Variants in ARID3B observed in about 807,000 individuals in gnomAD.
The protein encoded by ARID3B is AT-rich interactive domain-containing protein 3B.
Under a neutral mutation model 51.9 loss-of-function variants are expected in ARID3B, and 10 were observed. The ratio of observed to expected loss-of-function variants is 0.19; its 90% CI spans 0.12 to 0.33. The LOEUF is 0.33. ARID3B is among the 10% of genes least tolerant of loss of function. The pLI is 1.00. For synonymous variants in ARID3B, 205 were observed against 279.5 expected (o/e 0.73, Z 2.66); for missense variants, 483 against 716.3 (o/e 0.67, Z 3.72).
In ARID3B at chr15:74,543,895, G is replaced by A; in HGVS notation, c.-42G>A. ...AGTGTGCCTGGTGGGCTGTGCCCAG[G>A]TTCAGAGTCATGCCACTCTGTGGGT... On this transcript the variant is annotated 5_prime_UTR_variant, in exon 2 of 9. Transcript: ENST00000346246. 3 of 1,576,574 alleles carry A rather than the reference G, an allele frequency of 1.9e-6. No homozygotes were observed. Among genetic ancestry groups the A allele is most frequent in the Non-Finnish European group, 2.6e-6 (3 of 1,161,242 alleles).
intron 2 of ARID3B, among the ~76,000 whole-genome samples, chr15:74,571,202 T>C (rs999907930): frequency 6.6e-6 from 1 of 152,212 alleles, no homozygotes; most frequent in Non-Finnish European, 1.5e-5. Flanking sequence ...CCCCAAAATA[T>C]AACTGCATAA....
intron 4 of ARID3B, among the ~76,000 whole-genome samples, chr15:74,576,760 GGAGT>G (rs1201572806): frequency 1.3e-5 from 2 of 152,194 alleles, no homozygotes; most frequent in African/African-American, 4.8e-5. Flanking sequence ...GAGTGCCAAA[GGAGT>G]GAGTGCTGGG....
chr15:74,588,234 T>TA (rs2061788435), intron 4 of ARID3B, among the ~76,000 whole-genome samples: 1 of 149,652 alleles, frequency 6.7e-6, no homozygotes, highest in Non-Finnish European at 1.5e-5. Flanking sequence ...ACCCTATCTT[T>TA]TAAAAAAAAA....
rs1211798917 is a variant in ARID3B, at chr15:74,591,856, C to T, written c.1420+42C>T. On this transcript the variant is annotated intron_variant, in intron 7 of 8. Coordinates refer to ENST00000346246, the MANE Select transcript of ARID3B (RefSeq NM_006465.4). This position sits in a 1 kb window ranked among gnomAD's most constrained non-coding sequence, Gnocchi z 5.8. ...GCCGGGCCTTCCCTTCCTGGAAACC[C>T]CAAGCCCATTCACGCCTCCTGGGAC... 4 of 1,594,550 alleles carry T rather than the reference C, an allele frequency of 2.5e-6. No homozygotes were observed. The South Asian group carries it at 3.4e-5, about 14-fold the overall frequency.
chr15:74,541,382 G>C (rs944345038), intron 1 of ARID3B, 52 bp downstream of exon 1: 2 of 152,444 alleles, frequency 1.3e-5, no homozygotes, highest in Non-Finnish European at 2.9e-5. Flanking sequence ...AGGAGGCTGC[G>C]ACAGGTGGAG....
Position 74,596,722 on chromosome 15 carries a change from A to C in ARID3B, c.*948A>C, listed in dbSNP as rs557025345. On this transcript the variant is annotated 3_prime_UTR_variant, in exon 9 of 9. Transcript: ENST00000346246. ...TTCATTGAAATACCTCAGATTTGTA[A>C]TTGTTGATGTTTGAGTCTTCAGGAA... is the stretch of plus-strand genomic sequence containing the variant. 8.6e-6 allele frequency: 2 copies of C among 233,580 alleles called. No homozygotes were observed. The highest frequency in any genetic ancestry group is 3.6e-4 in the South Asian group (2 of 5,528). The allele number at this position is 233,580 out of a possible 1,614,324, so 14.5% of individuals were successfully genotyped here.
intron 2 of ARID3B, among the ~76,000 whole-genome samples, chr15:74,550,701 C>G (rs1284873087): frequency 5.3e-5 from 8 of 149,946 alleles, no homozygotes; most frequent in Admixed American, 5.3e-4. Flanking sequence ...AGTGAGTGTC[C>G]ATCTCAAAAA....
chr15:74,583,445 T>C (rs1165559873), intron 4 of ARID3B, among the ~76,000 whole-genome samples: 2 of 151,862 alleles, frequency 1.3e-5, no homozygotes, highest in East Asian at 3.9e-4. Flanking sequence ...TGGCCAGACA[T>C]GGTGGCTCAC....
chr15:74,548,703 G>T (rs2061624759), intron 2 of ARID3B, among the ~76,000 whole-genome samples: 1 of 152,178 alleles, frequency 6.6e-6, no homozygotes, highest in Admixed American at 6.5e-5. Context: ...CAAGCCGCTT[G>T]GGGCACCCTC....
Position 74,595,755 on chromosome 15 carries a change from C to T in ARID3B, c.1664C>T (p.Ser555Phe). 6.2e-7 allele frequency: 1 copy of T among 1,605,988 alleles called. No homozygotes were observed. Among genetic ancestry groups the T allele is most frequent in the Non-Finnish European group, 8.5e-7 (1 of 1,175,176 alleles). ...SSRGTPSAEP[S>F]TSWSL ...CGGGGCACCCCCAGCGCAGAGCCCTCCACCAGCTGGTCCCTCTGATGGGCA... is the reference window on the plus strand; with the variant it reads ...CGGGGCACCCCCAGCGCAGAGCCCTTCACCAGCTGGTCCCTCTGATGGGCA... The change falls in exon 9 of 9, where the codon TCC (serine) becomes TTC (phenylalanine). Residue 555 changes from serine to phenylalanine, a missense_variant. Ser to Phe is a radical substitution (Grantham distance 155). Around this residue, in one of 3 missense-constraint regions of ARID3B, gnomAD observed 265 missense variants for 354.4 expected, o/e 0.75. Coordinates refer to ENST00000346246, the MANE Select transcript of ARID3B (RefSeq NM_006465.4).
chr15:74,547,425 C>T lies in ARID3B; in HGVS notation c.552+2937C>T, dbSNP rs570243264. 4.6e-5 allele frequency among the ~76,000 whole-genome samples: 7 copies of T among 152,208 alleles called. No individual in the cohort carries two copies. The South Asian group carries it at 6.2e-4, about 14-fold the overall frequency. Reference sequence around the variant, plus strand: ...CTCAAACTCCTGACCTCAAGTGATCCGCCCGTCCTGGCCTCCCAAAGTGCT... The same window carrying T: ...CTCAAACTCCTGACCTCAAGTGATCTGCCCGTCCTGGCCTCCCAAAGTGCT... On this transcript the variant is annotated intron_variant, in intron 2 of 8. Transcript: ENST00000346246.
At chr15:74,542,314 G>A (rs2141370110) in intron 1 of ARID3B, among the ~76,000 whole-genome samples, 1 of 152,288 alleles carries the variant, frequency 6.6e-6, no homozygotes, top group African/African-American at 2.4e-5. Flanking sequence ...TTTTTACACT[G>A]TAAGAAGAGC....
intron 4 of ARID3B, among the ~76,000 whole-genome samples, chr15:74,586,597 C>A (rs925275846): frequency 9.2e-5 from 14 of 152,220 alleles, no homozygotes; most frequent in African/African-American, 3.4e-4. Flanking sequence ...CAGCCGGGTG[C>A]GTGGCTCACG....
chr15:74,583,972 T>C (rs747738397), intron 4 of ARID3B, among the ~76,000 whole-genome samples: 2 of 152,232 alleles, frequency 1.3e-5, no homozygotes, highest in African/African-American at 2.4e-5. Context: ...TACCAGACAC[T>C]GCTGCCTGAT....
At chr15:74,542,167 T>C (rs891765233) in intron 1 of ARID3B, among the ~76,000 whole-genome samples, 4 of 152,258 alleles carry the variant, frequency 2.6e-5, no homozygotes, top group African/African-American at 9.6e-5. Context: ...TGATTGACTG[T>C]AATGACTATG....
At chr15:74,565,858 C>T (rs1341513362) in intron 2 of ARID3B, among the ~76,000 whole-genome samples, 1 of 152,062 alleles carries the variant, frequency 6.6e-6, no homozygotes, top group Non-Finnish European at 1.5e-5. Flanking sequence ...ATTGGCTTCT[C>T]CTGCTGCCAG....
chr15:74,570,807 T>G (rs778730166), intron 2 of ARID3B, among the ~76,000 whole-genome samples: 1 of 152,254 alleles, frequency 6.6e-6, no homozygotes, highest in Non-Finnish European at 1.5e-5. Flanking sequence ...TCTTGATTAT[T>G]CATTGTGCTA....
chr15:74,588,400 A>G (rs553039509), intron 4 of ARID3B, among the ~76,000 whole-genome samples: 88 of 152,254 alleles, frequency 5.8e-4, no homozygotes, highest in African/African-American at 2.0e-3. Flanking sequence ...TTAGGGAAAG[A>G]AGGCGGATGG....
chr15:74,564,359 C>G (rs2061690434), intron 2 of ARID3B, among the ~76,000 whole-genome samples: 1 of 152,172 alleles, frequency 6.6e-6, no homozygotes, highest in Admixed American at 6.5e-5. Flanking sequence ...ATACCAAGAT[C>G]TGAGAATTGG....
Sources: allele counts gnomAD v4.1 joint callset (sites outside exome capture counted in the v4.1 genomes callset), GRCh38; gene constraint gnomAD v4.1.1; regional missense constraint gnomAD v4.1.1; non-coding constraint Gnocchi (gnomAD v3.1); transcripts MANE v1.5; gene names NCBI Gene and HGNC (gene_info 2026-07-23, HGNC 2026-07-21).